Variants in STK3 observed in about 807,000 individuals in gnomAD.
STK3 encodes the protein serine/threonine kinase 3.
A neutral mutation model predicts 58.0 loss-of-function variants in STK3; 41 were observed. That is an observed-to-expected ratio of 0.71 (90% CI 0.55 to 0.92). STK3 has a LOEUF of 0.92. Ranked by LOEUF, STK3 falls within the 40% of genes least tolerant of loss-of-function variation. The probability of loss-of-function intolerance (pLI) is 0.00; values close to 1 mark genes in which losing one functional copy is unlikely to be tolerated. For synonymous variants in STK3, 170 were observed against 191.0 expected, an observed-to-expected ratio of 0.89 and a Z score of 0.91; for missense variants, 479 against 602.7, an observed-to-expected ratio of 0.79 and a Z score of 2.15.
At chr8:98,683,210 A>C (rs1266952776) in intron 6 of STK3, among the ~76,000 whole-genome samples, 2 of 152,034 alleles carry the variant, frequency 1.3e-5, no homozygotes, top group African/African-American at 2.4e-5. Context: ...TTTAAAATTT[A>C]AATGTTAAAT....
At chr8:98,777,607 G>A (rs537621066) in intron 1 of STK3, among the ~76,000 whole-genome samples, 97 of 152,208 alleles carry the variant, frequency 6.4e-4, no homozygotes, top group African/African-American at 1.9e-3. Flanking sequence ...AAAAAGTGCC[G>A]GAAGACAACA....
At position 98,874,913 on chromosome 8, in the gene STK3, C is replaced by CTTGTTT. The variant is rs1182013239; in HGVS notation, c.110+8733_110+8734insAAACAA. 8.0e-3 allele frequency among the ~76,000 whole-genome samples: 1,212 copies of CTTGTTT among 152,194 alleles called. 18 individuals are homozygous for CTTGTTT. Among genetic ancestry groups the CTTGTTT allele is most frequent in the African/African-American group, 0.028 (1,164 of 41,514 alleles). Reference sequence around the variant, plus strand: ...AGCTGGGATTACAGGCATGAGCCACCACAACTGGCCCTTGTTTATGATTTT... The same window carrying CTTGTTT: ...AGCTGGGATTACAGGCATGAGCCACCTTGTTTACAACTGGCCCTTGTTTATGATTTT... On this transcript the variant is annotated intron_variant, in intron 3 of 12. Transcript: ENST00000523601.
At chr8:98,933,036 ATCG>A (rs939823788) in intron 1 of STK3, among the ~76,000 whole-genome samples, 66 of 152,348 alleles carry the variant, frequency 4.3e-4, no homozygotes, top group African/African-American at 1.3e-3. Flanking sequence ...CCTGGGTTAT[ATCG>A]TCTCTAAACT....
chr8:98,788,924 T>A (rs1240823237), intron 1 of STK3, among the ~76,000 whole-genome samples: 3 of 152,162 alleles, frequency 2.0e-5, no homozygotes, highest in Admixed American at 6.5e-5. Flanking sequence ...TAACAGATTA[T>A]ACAGAACATT....
chr8:98,562,500 A>C (rs558123258), intron 8 of STK3, among the ~76,000 whole-genome samples: 1 of 152,126 alleles, frequency 6.6e-6, no homozygotes, highest in East Asian at 1.9e-4. Flanking sequence ...CAGCGGTTGA[A>C]AGGGGGTTGG....
intron 2 of STK3, among the ~76,000 whole-genome samples, chr8:98,376,012 G>T (rs891128295): frequency 1.3e-5 from 2 of 152,126 alleles, no homozygotes; most frequent in African/African-American, 4.8e-5. Flanking sequence ...TTTCACTGGG[G>T]CTATCCCATT....
At chr8:98,766,168 GCAC>G (rs1830933176) in intron 3 of STK3, among the ~76,000 whole-genome samples, 2 of 152,054 alleles carry the variant, frequency 1.3e-5, no homozygotes, top group South Asian at 4.1e-4. Flanking sequence ...ATTACCCCAT[GCAC>G]CAGTCACTAC....
chr8:98,788,494 G>A (rs938870013), intron 1 of STK3, among the ~76,000 whole-genome samples: 32 of 151,724 alleles, frequency 2.1e-4, no homozygotes, highest in Non-Finnish European at 3.7e-4. Flanking sequence ...ATTGCAGAAC[G>A]GATAAGAATT....
intron 1 of STK3, among the ~76,000 whole-genome samples, chr8:98,925,147 A>G (rs1330265239): frequency 2.6e-5 from 4 of 152,222 alleles, no homozygotes; most frequent in African/African-American, 4.8e-5. Context: ...ATCTGCTCCC[A>G]AAGTCATTCA....
At chr8:98,565,018 T>C (rs1283983972) in intron 8 of STK3, among the ~76,000 whole-genome samples, 1 of 152,164 alleles carries the variant, frequency 6.6e-6, no homozygotes, top group Admixed American at 6.6e-5. Context: ...CTATTTCTTC[T>C]ATAAACCTAA....
At chr8:98,587,250 C>T (rs1272671558) in intron 7 of STK3, among the ~76,000 whole-genome samples, 1 of 151,934 alleles carries the variant, frequency 6.6e-6, no homozygotes, top group Non-Finnish European at 1.5e-5. Context: ...TATAAATTTC[C>T]CTCTACACAC....
the STK3 span, among the ~76,000 whole-genome samples, chr8:98,354,424 C>T: frequency 6.6e-6 from 1 of 152,136 alleles, no homozygotes; most frequent in Non-Finnish European, 1.5e-5. Context: ...TGGTGGACTC[C>T]TACAGCCATC....
At chr8:98,623,889 T>G (rs1201681829) in intron 6 of STK3, among the ~76,000 whole-genome samples, 2 of 152,232 alleles carry the variant, frequency 1.3e-5, no homozygotes, top group African/African-American at 4.8e-5. Context: ...AACACCTTGA[T>G]CTTGGAAGTC....
chr8:98,714,952 G>C (rs914530142), intron 4 of STK3, among the ~76,000 whole-genome samples: 2 of 152,120 alleles, frequency 1.3e-5, no homozygotes, highest in Non-Finnish European at 2.9e-5. Flanking sequence ...CAATGGAACA[G>C]AACAGAGCCC....
intron 6 of STK3, among the ~76,000 whole-genome samples, chr8:98,652,717 G>A (rs1821063685): frequency 6.7e-6 from 1 of 149,416 alleles, no homozygotes; most frequent in East Asian, 1.9e-4. Flanking sequence ...AACCAACAAA[G>A]ATTAAAAGAG....
At chr8:98,831,937 C>A (rs1434721307) in intron 3 of STK3, among the ~76,000 whole-genome samples, 1 of 152,184 alleles carries the variant, frequency 6.6e-6, no homozygotes, top group African/African-American at 2.4e-5. Context: ...TCTAGCATAA[C>A]TATTAGCTAC....
At chr8:98,526,645 C>A in intron 10 of STK3, 97 bp downstream of exon 10, 2 of 992,318 alleles carry the variant, frequency 2.0e-6, no homozygotes, top group Non-Finnish European at 2.7e-6. Flanking sequence ...ATTGTATATA[C>A]ATACACACAG....
chr8:98,496,346 A>G (rs1231285840), intron 10 of STK3, among the ~76,000 whole-genome samples: 1 of 152,200 alleles, frequency 6.6e-6, no homozygotes, highest in East Asian at 1.9e-4. Context: ...ATAAATATCA[A>G]TTGTATTTCT....
chr8:98,462,526 T>G lies in STK3; in HGVS notation c.1318-6526A>C, dbSNP rs1820079877. 4.6e-5 allele frequency among the ~76,000 whole-genome samples: 7 copies of G among 152,206 alleles called. No homozygotes were observed. The South Asian group carries it at 1.2e-3, about 27-fold the overall frequency. On this transcript the variant is annotated intron_variant, in intron 10 of 10. Transcript: ENST00000419617. ...CTCCGAACCTACTATGCTGTATTTA[T>G]TTTAAAAATATCTGATTTCAGTTTT...
Sources: gnomAD v4.1 joint callset for allele counts (sites outside exome capture counted in the v4.1 genomes callset) on GRCh38, gnomAD v4.1.1 for gene constraint, MANE v1.5 for transcripts, NCBI Gene and HGNC (gene_info 2026-07-23, HGNC 2026-07-21) for gene names.